Variants in SFXN2 observed in about 807,000 individuals in gnomAD.
The protein encoded by SFXN2 is sideroflexin-2.
In SFXN2, 37 loss-of-function variants were observed where a neutral mutation model predicts 41.9. The ratio of observed to expected loss-of-function variants is 0.88; its 90% CI spans 0.68 to 1.16. The LOEUF is 1.16. Among genes scored for constraint, SFXN2 ranks in the 50% most tolerant of loss-of-function variants. SFXN2 has a pLI of 0.00. For missense variants in SFXN2, 386 were observed against 425.2 expected (o/e 0.91, Z 0.81); for synonymous variants, 150 against 156.7 (o/e 0.96, Z 0.32).
chr10:102,728,693 A>T (rs1324202051), intron 4 of SFXN2, 164 bp downstream of exon 4: 2 of 608,534 alleles, frequency 3.3e-6, no homozygotes, highest in African/African-American at 1.8e-5. Context: ...GTAGGGGTGG[A>T]TCTTCTTCCT....
chr10:102,722,699 C>G (rs1365419660), intron 1 of SFXN2, among the ~76,000 whole-genome samples: 1 of 151,852 alleles, frequency 6.6e-6, no homozygotes. Flanking sequence ...TGCAACCACG[C>G]CTGGCTATGT....
At chr10:102,732,260 A>G (rs756352812) in intron 8 of SFXN2, 42 bp downstream of exon 8, 25 of 1,581,064 alleles carry the variant, frequency 1.6e-5, no homozygotes, top group Non-Finnish European at 2.0e-5. Context: ...AGCCTGTGAC[A>G]CAGGGTGGAG....
At chr10:102,728,559 G>T (rs775754257) in intron 4 of SFXN2, 30 bp downstream of exon 4, 7 of 1,593,752 alleles carry the variant, frequency 4.4e-6, no homozygotes, top group South Asian at 2.2e-5. Context: ...GGCTGTCCTC[G>T]TGTCTCCCCA....
At position 102,736,458 on chromosome 10, in the gene SFXN2, C is replaced by T. The variant is rs549618824; in HGVS notation, c.869+549C>T. Among the ~76,000 whole-genome samples the T allele has an allele frequency of 6.2e-5, 9 of 144,548 alleles. No individual in the cohort carries two copies. The South Asian group carries it at 6.6e-4, about 11-fold the overall frequency. 94.8% of individuals were successfully genotyped at this position (144,548 alleles called of 152,430 possible). ...TTTTTTTTGAGATGGAGTTTCACTC[C>T]GTCGCCAGGCTGGGGTGCAGAGGTG... On this transcript the variant is annotated intron_variant, in intron 11 of 11. Transcript: ENST00000369893.
chr10:102,719,492 G>A (rs929045014), intron 1 of SFXN2, among the ~76,000 whole-genome samples: 1 of 151,920 alleles, frequency 6.6e-6, no homozygotes. Context: ...GCCTCCCAAA[G>A]TGCTGGGATT....
chr10:102,715,781 CAA>C, intron 1 of SFXN2, among the ~76,000 whole-genome samples: 3 of 151,426 alleles, frequency 2.0e-5, no homozygotes, highest in Admixed American at 2.0e-4. Context: ...CCTGCCTCTA[CAA>C]AAAAAAATTT....
chr10:102,732,297 G>T, intron 8 of SFXN2, 79 bp downstream of exon 8: 1 of 1,327,658 alleles, frequency 7.5e-7, no homozygotes, highest in South Asian at 1.3e-5. Flanking sequence ...GCTTTTGGGT[G>T]GGAGGTGGGG....
Position 102,737,786 on chromosome 10 carries a change from G to A in SFXN2, c.*24G>A. Reference sequence around the variant, plus strand: ...AAATGCCCCACTTCAGCAAGGACCAGTCTATTCCCATATTCACCAGCTCCT... The same window carrying A: ...AAATGCCCCACTTCAGCAAGGACCAATCTATTCCCATATTCACCAGCTCCT... On this transcript the variant is annotated 3_prime_UTR_variant, in exon 12 of 12. Coordinates refer to ENST00000369893, the MANE Select transcript of SFXN2 (RefSeq NM_178858.6). 1 of 1,517,300 alleles carries A rather than the reference G, an allele frequency of 6.6e-7. No homozygotes were observed. Among genetic ancestry groups the A allele is most frequent in the Non-Finnish European group, 9.1e-7 (1 of 1,094,630 alleles). The allele number at this position is 1,517,300 out of a possible 1,614,324, so 94.0% of individuals were successfully genotyped here.
At chr10:102,720,190 G>A (rs2136028633) in intron 1 of SFXN2, among the ~76,000 whole-genome samples, 1 of 151,694 alleles carries the variant, frequency 6.6e-6, no homozygotes, top group East Asian at 1.9e-4. Flanking sequence ...TACTCAGGAG[G>A]CTGAGGCAGG....
chr10:102,718,920 T>C (rs1341648347), intron 1 of SFXN2, among the ~76,000 whole-genome samples: 3 of 43,144 alleles, frequency 7.0e-5, no homozygotes, highest in African/African-American at 1.6e-4. Flanking sequence ...CTCGGCTTCT[T>C]TTTTTTTTTT....
chr10:102,725,967 G>A (rs2064586393), intron 1 of SFXN2, among the ~76,000 whole-genome samples: 1 of 152,084 alleles, frequency 6.6e-6, no homozygotes, highest in African/African-American at 2.4e-5. Flanking sequence ...CCCCCAAGAT[G>A]GAGTCTTGCT....
chr10:102,718,285 CTG>C (rs1025040924), intron 1 of SFXN2, among the ~76,000 whole-genome samples: 8 of 152,226 alleles, frequency 5.3e-5, no homozygotes, highest in Admixed American at 3.9e-4. Flanking sequence ...AGGTCTGGCT[CTG>C]TGTGTATGTG....
chr10:102,722,221 C>T (rs2064519127), intron 1 of SFXN2, among the ~76,000 whole-genome samples: 1 of 152,214 alleles, frequency 6.6e-6, no homozygotes, highest in South Asian at 2.1e-4. Context: ...TTTCTCTCCT[C>T]TCTTAGCATA....
chr10:102,726,570 C>A, intron 1 of SFXN2, 42 bp from the exon 2 acceptor site: 1 of 1,589,124 alleles, frequency 6.3e-7, no homozygotes, highest in Non-Finnish European at 8.6e-7. Flanking sequence ...CTGTGGTGGG[C>A]TTTGATTTAG....
intron 10 of SFXN2, among the ~76,000 whole-genome samples, chr10:102,735,267 C>T (rs1194668072): frequency 3.3e-5 from 5 of 149,726 alleles, no homozygotes; most frequent in Admixed American, 2.0e-4. Context: ...GTTCTTCCTA[C>T]TCCAAGTAGT....
rs1255277059 is a variant in SFXN2, at chr10:102,734,799, C to CA, written c.822-1062dup. Among the ~76,000 whole-genome samples the CA allele has an allele frequency of 6.6e-6, 1 of 152,170 alleles. No individual in the cohort carries two copies. The highest frequency in any genetic ancestry group is 1.5e-5 in the Non-Finnish European group (1 of 68,024). ...AACTGGGATACCAACCCAGGTCTGT[C>CA]AGAGTCCCGCGTCCTGTAAGACCTT... is the stretch of plus-strand genomic sequence containing the variant. On this transcript the variant is annotated intron_variant, in intron 10 of 11. Coordinates refer to ENST00000369893, the MANE Select transcript of SFXN2 (RefSeq NM_178858.6). The surrounding 1 kb of genome is among the most constrained non-coding windows in gnomAD (Gnocchi z 4.1).
intron 4 of SFXN2, 158 bp downstream of exon 4, chr10:102,728,687 G>A: frequency 1.6e-6 from 1 of 618,900 alleles, no homozygotes; most frequent in Non-Finnish European, 2.9e-6. Context: ...AGCTGAGTAG[G>A]GGTGGATCTT....
Position 102,726,627 on chromosome 10 carries a change from T to C in SFXN2, c.-10T>C, listed in dbSNP as rs765797583. 3 of 1,613,970 alleles carry C rather than the reference T, an allele frequency of 1.9e-6. No individual in the cohort carries two copies. In the East Asian group the frequency reaches 6.7e-5, roughly 36 times the overall value. ...TGTCCCTTAGGTCCACAGTTTTATG[T>C]GTGAGCAAGATGGAGGCTGACCTGT... is the stretch of plus-strand genomic sequence containing the variant. On this transcript the variant is annotated 5_prime_UTR_variant, in exon 2 of 12. Transcript: ENST00000369893.
In SFXN2 at chr10:102,739,347, C is replaced by T. The variant is rs2064822545; in HGVS notation, c.*1585C>T. 6.6e-6 allele frequency: 1 copy of T among 152,210 alleles called. No individual in the cohort carries two copies. Among genetic ancestry groups the T allele is most frequent in the South Asian group, 2.1e-4 (1 of 4,836 alleles). The allele number at this position is 152,210 out of a possible 1,614,324, so 9.4% of individuals were successfully genotyped here. A position where few individuals can be genotyped will look rare whatever the true frequency, so the allele number is the denominator to read the frequency against. ...TTTCCCTCATTAAAGGGGAAATCCA[C>T]CTGTCTCCACAGGAAGCTCCAGATC... On this transcript the variant is annotated 3_prime_UTR_variant, in exon 12 of 12. Coordinates refer to ENST00000369893, the MANE Select transcript of SFXN2 (RefSeq NM_178858.6).
Sources: allele counts gnomAD v4.1 joint callset (sites outside exome capture counted in the v4.1 genomes callset), GRCh38; gene constraint gnomAD v4.1.1; non-coding constraint Gnocchi (gnomAD v3.1); transcripts MANE v1.5; gene names NCBI Gene and HGNC (gene_info 2026-07-23, HGNC 2026-07-21).